The following SPATA17 variants were observed in gnomAD, a reference collection of about 807,000 sequenced individuals.
SPATA17 encodes the protein spermatogenesis-associated protein 17.
SPATA17 carries 53 observed loss-of-function variants against 62.2 expected under a neutral mutation model. That is an observed-to-expected ratio of 0.85 (90% confidence interval 0.68 to 1.07). SPATA17 has a LOEUF of 1.07. Ranked by LOEUF, SPATA17 falls within the 50% of genes least tolerant of loss-of-function variation. The pLI is 0.00. For missense variants in SPATA17, 466 were observed against 425.5 expected (o/e 1.10, Z -0.84); for synonymous variants, 146 against 146.8 (o/e 0.99, Z 0.04).
At chr1:217,759,364 C>T (rs1319926452) in intron 6 of SPATA17, among the ~76,000 whole-genome samples, 1 of 151,910 alleles carries the variant, frequency 6.6e-6, no homozygotes, top group Non-Finnish European at 1.5e-5. Flanking sequence ...GAGGCTGAGG[C>T]AGGAGAATCA....
intron 8 of SPATA17, among the ~76,000 whole-genome samples, chr1:217,789,931 G>A (rs1438599134): frequency 6.6e-6 from 1 of 152,120 alleles, no homozygotes; most frequent in Non-Finnish European, 1.5e-5. Flanking sequence ...CAGCTACTCG[G>A]GAGGCTGAGG....
At chr1:217,774,276 T>A (rs1673532000) in intron 6 of SPATA17, 58 bp from the exon 7 acceptor site, 1 of 1,452,558 alleles carries the variant, frequency 6.9e-7, no homozygotes, top group African/African-American at 1.4e-5. Context: ...GTACAACTCT[T>A]TCCTTTATTT....
chr1:217,734,881 A>C (rs1273414684), intron 5 of SPATA17, among the ~76,000 whole-genome samples: 1 of 152,108 alleles, frequency 6.6e-6, no homozygotes, highest in Non-Finnish European at 1.5e-5. Context: ...GTGGGGTCTG[A>C]GAAAGTGCAT....
chr1:217,797,736 G>GT (rs575815524), intron 8 of SPATA17, among the ~76,000 whole-genome samples: 144 of 151,930 alleles, frequency 9.5e-4, no homozygotes, highest in African/African-American at 3.2e-3. Flanking sequence ...ACTTTTAAAC[G>GT]TAGGTGTCTT....
At chr1:217,802,871 A>G (rs1674346131) in intron 9 of SPATA17, among the ~76,000 whole-genome samples, 1 of 152,134 alleles carries the variant, frequency 6.6e-6, no homozygotes, top group Admixed American at 6.5e-5. Flanking sequence ...TCTAAAGTCT[A>G]AAGTCATATC....
chr1:217,640,985 A>C (rs1670049008), intron 1 of SPATA17, among the ~76,000 whole-genome samples: 1 of 152,112 alleles, frequency 6.6e-6, no homozygotes, highest in Admixed American at 6.6e-5. Context: ...TGTATTATTT[A>C]ACATTTTATA....
At chr1:217,801,673 T>G in intron 8 of SPATA17, 45 bp from the exon 9 acceptor site, 3 of 1,511,106 alleles carry the variant, frequency 2.0e-6, no homozygotes, top group Non-Finnish European at 2.7e-6. Context: ...AAATCAAATG[T>G]CTCTAGAAAT....
intron 8 of SPATA17, among the ~76,000 whole-genome samples, chr1:217,788,831 C>T (rs2102980913): frequency 6.6e-6 from 1 of 152,262 alleles, no homozygotes; most frequent in African/African-American, 2.4e-5. Context: ...TAAGCCACCA[C>T]CAATTTTGTG....
intron 5 of SPATA17, among the ~76,000 whole-genome samples, chr1:217,713,397 T>G (rs936929969): frequency 4.0e-5 from 6 of 151,778 alleles, no homozygotes; most frequent in Non-Finnish European, 8.8e-5. Flanking sequence ...CATAAGCAGA[T>G]GTTGTTGACT....
At chr1:217,697,995 T>C (rs1671499475) in intron 5 of SPATA17, among the ~76,000 whole-genome samples, 1 of 152,142 alleles carries the variant, frequency 6.6e-6, no homozygotes, top group South Asian at 2.1e-4. Flanking sequence ...TACTTTCAAA[T>C]TAACAAATTT....
rs563751909 is a variant in SPATA17 at position 217,865,876 on chromosome 1, G to C, written c.*3-1146G>C. 3.3e-5 allele frequency among the ~76,000 whole-genome samples: 5 copies of C among 152,228 alleles called. No homozygotes were observed. The South Asian group carries it at 6.2e-4, about 19-fold the overall frequency. On this transcript the variant is annotated intron_variant, in intron 10 of 10. Coordinates refer to ENST00000366933, the MANE Select transcript of SPATA17 (RefSeq NM_138796.4). ...TGCTAAAAAGTGGTTCAATTTTGAGGCCCGATAAGATGAGTTTTAATTAAA... is the reference window on the plus strand; with the variant it reads ...TGCTAAAAAGTGGTTCAATTTTGAGCCCCGATAAGATGAGTTTTAATTAAA...
At chr1:217,789,270 ACT>A (rs760458406) in intron 8 of SPATA17, among the ~76,000 whole-genome samples, 2 of 152,166 alleles carry the variant, frequency 1.3e-5, no homozygotes, top group Non-Finnish European at 2.9e-5. Context: ...AGAACTAATA[ACT>A]CTATTTCTTG....
intron 9 of SPATA17, among the ~76,000 whole-genome samples, chr1:217,839,258 C>G (rs1182713853): frequency 6.6e-6 from 1 of 152,064 alleles, no homozygotes; most frequent in Non-Finnish European, 1.5e-5. Flanking sequence ...TCTCATCAGC[C>G]TCTTCTGAAG....
At chr1:217,834,135 A>G (rs1244098462) in intron 9 of SPATA17, among the ~76,000 whole-genome samples, 1 of 152,160 alleles carries the variant, frequency 6.6e-6, no homozygotes, top group African/African-American at 2.4e-5. Context: ...GTCGTGCCAC[A>G]TTGCATTACT....
chr1:217,838,826 T>G (rs1675321545), intron 9 of SPATA17, among the ~76,000 whole-genome samples: 1 of 152,088 alleles, frequency 6.6e-6, no homozygotes, highest in Non-Finnish European at 1.5e-5. Flanking sequence ...CTAGGTTGGT[T>G]CAAACATTTG....
intron 9 of SPATA17, among the ~76,000 whole-genome samples, chr1:217,815,726 C>CA (rs1367028712): frequency 1.3e-5 from 2 of 152,088 alleles, no homozygotes; most frequent in Non-Finnish European, 2.9e-5. Context: ...GTTTTAAGAA[C>CA]AAAAACAGAG....
chr1:217,761,005 G>A (rs75807738), intron 6 of SPATA17, among the ~76,000 whole-genome samples: 1,638 of 152,206 alleles, frequency 0.011, 22 homozygotes, highest in African/African-American at 0.037. Context: ...CTCAGAATAC[G>A]TAGAAATGGT....
At chr1:217,859,730 A>C (rs938510216) in intron 9 of SPATA17, among the ~76,000 whole-genome samples, 8 of 152,114 alleles carry the variant, frequency 5.3e-5, no homozygotes, top group African/African-American at 1.9e-4. Context: ...TTTAACACTC[A>C]TAGGATTAGA....
At chr1:217,641,162 T>C (rs1179601193) in intron 1 of SPATA17, among the ~76,000 whole-genome samples, 1 of 152,150 alleles carries the variant, frequency 6.6e-6, no homozygotes, top group Non-Finnish European at 1.5e-5. Flanking sequence ...CGTGAAGGAC[T>C]AGAAGACTCA....
Sources: allele counts gnomAD v4.1 joint callset (sites outside exome capture counted in the v4.1 genomes callset), GRCh38; gene constraint gnomAD v4.1.1; transcripts MANE v1.5; gene names NCBI Gene and HGNC (gene_info 2026-07-23, HGNC 2026-07-21).